The following FAM107B variants were observed in gnomAD, a reference collection of about 807,000 sequenced individuals.
The protein encoded by FAM107B is protein FAM107B.
FAM107B carries 21 observed loss-of-function variants against 31.5 expected under a neutral mutation model. That is an observed-to-expected ratio of 0.67 (90% CI 0.47 to 0.96). The LOEUF is 0.96. Among genes scored for constraint, FAM107B ranks in the 40% least tolerant of loss-of-function variants. The pLI is 0.00. For synonymous variants in FAM107B, 157 were observed against 141.5 expected, an observed-to-expected ratio of 1.11 and a Z score of -0.78; for missense variants, 452 against 377.1, an observed-to-expected ratio of 1.20 and a Z score of -1.64.
At chr10:14,625,249 C>T (rs1282256419) in intron 2 of FAM107B, among the ~76,000 whole-genome samples, 1 of 107,394 alleles carries the variant, frequency 9.3e-6, no homozygotes, top group Non-Finnish European at 2.2e-5. Context: ...AAAGGAATGT[C>T]GTGTGCGTGC....
chr10:14,674,787 T>G (rs187375205), intron 1 of FAM107B, among the ~76,000 whole-genome samples: 1 of 152,260 alleles, frequency 6.6e-6, no homozygotes, highest in Admixed American at 6.5e-5. Context: ...CAGGCTGGAG[T>G]GCAGTGGTAC....
At chr10:14,677,963 G>T (rs975366239) in intron 1 of FAM107B, among the ~76,000 whole-genome samples, 3 of 152,226 alleles carry the variant, frequency 2.0e-5, no homozygotes, top group African/African-American at 7.2e-5. Context: ...ACTCTATTCT[G>T]TGTTAGGCAC....
intron 1 of FAM107B, among the ~76,000 whole-genome samples, chr10:14,678,506 C>T (rs1053678324): frequency 2.0e-5 from 3 of 152,118 alleles, no homozygotes; most frequent in Admixed American, 1.3e-4. Flanking sequence ...AGTGAACAAA[C>T]CTAATTCGGG....
chr10:14,664,892 G>T lies in FAM107B; in HGVS notation c.469+2742C>A, dbSNP rs367846721. On this transcript the variant is annotated intron_variant, in intron 2 of 4. Transcript: ENST00000181796. ...TAAAGAATGGTTAATCAATATGGGA[G>T]ATCTGGATAGAATGAACTACAACTA... 9.9e-4 allele frequency among the ~76,000 whole-genome samples: 150 copies of T among 152,266 alleles called. 1 individual carries two copies. Among genetic ancestry groups the T allele is most frequent in the African/African-American group, 3.4e-3 (143 of 41,560 alleles).
At chr10:14,674,520 T>C (rs1446213281) in intron 1 of FAM107B, among the ~76,000 whole-genome samples, 2 of 152,300 alleles carry the variant, frequency 1.3e-5, no homozygotes, top group Admixed American at 6.5e-5. Context: ...GCCAGTCTTA[T>C]CCTCTCCCTG....
intron 1 of FAM107B, among the ~76,000 whole-genome samples, chr10:14,725,154 C>T (rs1011632065): frequency 2.0e-5 from 3 of 152,166 alleles, no homozygotes; most frequent in Non-Finnish European, 2.9e-5. Flanking sequence ...AAAGCTGAGA[C>T]TCTCAGACGG....
chr10:14,637,845 T>C (rs1853539094), intron 2 of FAM107B, among the ~76,000 whole-genome samples: 1 of 152,046 alleles, frequency 6.6e-6, no homozygotes, highest in Non-Finnish European at 1.5e-5. Flanking sequence ...GCTTTCAATC[T>C]TACCTACACC....
At chr10:14,764,572 C>G (rs1290025004) in intron 1 of FAM107B, among the ~76,000 whole-genome samples, 2 of 152,124 alleles carry the variant, frequency 1.3e-5, no homozygotes, top group South Asian at 2.1e-4. Flanking sequence ...AAGTGTCAAT[C>G]TTATATTGGA....
At chr10:14,598,341 G>A (rs1852255004) in intron 2 of FAM107B, among the ~76,000 whole-genome samples, 3 of 152,172 alleles carry the variant, frequency 2.0e-5, no homozygotes, top group Non-Finnish European at 4.4e-5. Context: ...GTAAACACAT[G>A]TGGTAATATA....
chr10:14,697,532 C>G (rs1855295778), intron 1 of FAM107B, among the ~76,000 whole-genome samples: 1 of 152,202 alleles, frequency 6.6e-6, no homozygotes, highest in Admixed American at 6.5e-5. Flanking sequence ...GTTTTTCTTC[C>G]TCTTACGATA....
chr10:14,572,246 C>T (rs974990339), intron 2 of FAM107B: 10 of 985,448 alleles, frequency 1.0e-5, no homozygotes, highest in East Asian at 2.3e-4. Context: ...ACCAAGAGAA[C>T]GTGCTGGCAG....
At chr10:14,526,021 G>C (rs1349475618) in intron 3 of FAM107B, among the ~76,000 whole-genome samples, 1 of 152,184 alleles carries the variant, frequency 6.6e-6, no homozygotes, top group Admixed American at 6.5e-5. Context: ...ATATTAATAA[G>C]TGAAGTCATT....
At chr10:14,751,027 TG>T (rs1832817023) in intron 1 of FAM107B, among the ~76,000 whole-genome samples, 2 of 152,144 alleles carry the variant, frequency 1.3e-5, no homozygotes. Context: ...GCCCAAGGCA[TG>T]GTTTCCATGG....
intron 1 of FAM107B, among the ~76,000 whole-genome samples, chr10:14,669,849 T>C (rs1165347519): frequency 6.6e-6 from 1 of 152,188 alleles, no homozygotes; most frequent in Non-Finnish European, 1.5e-5. Flanking sequence ...AGCAATACAT[T>C]CTAATGTTCA....
At chr10:14,550,811 GTTACT>G (rs1337446345) in intron 2 of FAM107B, among the ~76,000 whole-genome samples, 2 of 152,118 alleles carry the variant, frequency 1.3e-5, no homozygotes, top group Non-Finnish European at 2.9e-5. Context: ...GGAGCTACTG[GTTACT>G]TTAACTAAAT....
chr10:14,717,579 G>A (rs1855808031), intron 1 of FAM107B, among the ~76,000 whole-genome samples: 2 of 152,178 alleles, frequency 1.3e-5, no homozygotes, highest in African/African-American at 4.8e-5. Context: ...AAACATCTGG[G>A]CCCAGGAAAA....
At chr10:14,533,251 T>A (rs536555515) in intron 2 of FAM107B, among the ~76,000 whole-genome samples, 1 of 152,218 alleles carries the variant, frequency 6.6e-6, no homozygotes, top group Non-Finnish European at 1.5e-5. Flanking sequence ...GCAGCATAGG[T>A]AGGCGGAGAG....
chr10:14,694,780 A>G (rs879537158), intron 1 of FAM107B, among the ~76,000 whole-genome samples: 1 of 152,206 alleles, frequency 6.6e-6, no homozygotes, highest in Admixed American at 6.5e-5. Flanking sequence ...GCACCTTTGC[A>G]TATTAATGTT....
intron 1 of FAM107B, among the ~76,000 whole-genome samples, chr10:14,747,967 T>G (rs59049905): frequency 0.12 from 17,933 of 152,214 alleles, 2,417 homozygotes; most frequent in African/African-American, 0.33. Flanking sequence ...TGCAACCACA[T>G]GCAGCTACAG....
Sources: allele counts gnomAD v4.1 joint callset (sites outside exome capture counted in the v4.1 genomes callset), GRCh38; gene constraint gnomAD v4.1.1; transcripts MANE v1.5; gene names NCBI Gene and HGNC (gene_info 2026-07-23, HGNC 2026-07-21).